CNTNAP4: variants seen among roughly 807,000 people sequenced by gnomAD.
The protein encoded by CNTNAP4 is contactin associated protein family member 4.
In CNTNAP4, 98 loss-of-function variants were observed where a neutral mutation model predicts 148.4. The ratio of observed to expected loss-of-function variants is 0.66; its 90% CI spans 0.56 to 0.78. The LOEUF is 0.78. Ranked by LOEUF, CNTNAP4 falls within the 30% of genes least tolerant of loss-of-function variation. The probability of loss-of-function intolerance (pLI) is 0.00; values close to 1 mark genes in which losing one functional copy is unlikely to be tolerated. For missense variants in CNTNAP4, 1,935 were observed against 1,565.6 expected (o/e 1.24, Z -3.98); for synonymous variants, 730 against 565.1 (o/e 1.29, Z -4.14).
chr16:76,502,363 A>C (rs1020253080), intron 15 of CNTNAP4, among the ~76,000 whole-genome samples: 7 of 149,104 alleles, frequency 4.7e-5, no homozygotes, highest in African/African-American at 1.7e-4. Context: ...TTACAACGCC[A>C]TAGGTACTTT....
At chr16:76,413,513 C>T (rs2078871265) in intron 3 of CNTNAP4, among the ~76,000 whole-genome samples, 1 of 150,696 alleles carries the variant, frequency 6.6e-6, no homozygotes, top group Non-Finnish European at 1.5e-5. Flanking sequence ...AAGAACCTGC[C>T]AATAAGACAT....
chr16:76,534,931 T>C (rs1239804450), intron 17 of CNTNAP4, among the ~76,000 whole-genome samples: 2 of 152,156 alleles, frequency 1.3e-5, no homozygotes, highest in Admixed American at 6.5e-5. Context: ...CGATCCCCTT[T>C]TGCAATTTTG....
At chr16:76,422,804 C>G (rs2079236783) in intron 3 of CNTNAP4, among the ~76,000 whole-genome samples, 1 of 152,172 alleles carries the variant, frequency 6.6e-6, no homozygotes, top group African/African-American at 2.4e-5. Flanking sequence ...TCTGCTATGT[C>G]TGATGCTGAG....
chr16:76,368,130 A>G (rs1418738741), intron 3 of CNTNAP4, among the ~76,000 whole-genome samples: 2 of 152,208 alleles, frequency 1.3e-5, no homozygotes. Context: ...TACAAAACAT[A>G]CCAGCAGGAT....
chr16:76,324,852 C>T lies in CNTNAP4; in HGVS notation c.196+8329C>T, dbSNP rs1008311586. On this transcript the variant is annotated intron_variant, in intron 2 of 23. Transcript: ENST00000611870. ...TTAATCATATCATGAGTGGCCCACC[C>T]TCGTGACAATGTAAACCTAATTACC... 5.3e-5 allele frequency among the ~76,000 whole-genome samples: 8 copies of T among 152,312 alleles called. No homozygotes were observed. The South Asian group carries it at 6.2e-4, about 12-fold the overall frequency.
Position 76,522,154 on chromosome 16 carries a change from C to T in CNTNAP4, c.2652C>T (p.Asn884=). 1.9e-6 allele frequency: 3 copies of T among 1,613,972 alleles called. No homozygotes were observed. The highest frequency in any genetic ancestry group is 1.3e-5 in the African/African-American group (1 of 75,046). Residue 884 remains asparagine, a synonymous_variant, in exon 17 of 24, where the codon AAC becomes AAT. Coordinates refer to ENST00000611870, the MANE Select transcript of CNTNAP4 (RefSeq NM_033401.5). ...NQWHHVRVER[N]MKEASLQVDQ... is the part of the protein sequence containing the mutation. ...GGCACCATGTGAGGGTTGAAAGGAA[C>T]ATGAAGGAGGCCTCCCTTCAAGTGG... is the stretch of plus-strand genomic sequence containing the variant.
chr16:76,408,923 C>G (rs1398399127), intron 3 of CNTNAP4, among the ~76,000 whole-genome samples: 1 of 152,010 alleles, frequency 6.6e-6, no homozygotes, highest in African/African-American at 2.4e-5. Flanking sequence ...GCTGAAGGTA[C>G]ATATATTCAG....
intron 1 of CNTNAP4, among the ~76,000 whole-genome samples, chr16:76,278,819 G>A (rs1034695193): frequency 2.0e-5 from 3 of 152,148 alleles, no homozygotes; most frequent in African/African-American, 2.4e-5. Context: ...TATGTTAAGA[G>A]TTCTGATATG....
chr16:76,527,197 T>A (rs1188549563), intron 17 of CNTNAP4, among the ~76,000 whole-genome samples: 3 of 152,180 alleles, frequency 2.0e-5, no homozygotes, highest in Non-Finnish European at 4.4e-5. Context: ...AATCACCTTC[T>A]CAGCAGTAAA....
At chr16:76,332,776 C>G (rs576274277) in intron 2 of CNTNAP4, among the ~76,000 whole-genome samples, 17 of 152,124 alleles carry the variant, frequency 1.1e-4, no homozygotes, top group Admixed American at 1.3e-4. Context: ...GTGATCCTAG[C>G]CAACCAGCTT....
intron 1 of CNTNAP4, among the ~76,000 whole-genome samples, chr16:76,302,487 A>AT (rs903507649): frequency 3.2e-4 from 48 of 151,814 alleles, no homozygotes; most frequent in African/African-American, 1.2e-3. Context: ...TAACACGGTG[A>AT]TTTTCTCCCT....
chr16:76,415,088 C>A (rs8051880), intron 3 of CNTNAP4, among the ~76,000 whole-genome samples: 3 of 150,570 alleles, frequency 2.0e-5, no homozygotes, highest in Non-Finnish European at 4.5e-5. Flanking sequence ...TTCCAAAATT[C>A]GGGATAAACA....
At chr16:76,394,655 T>A (rs1456371686) in intron 3 of CNTNAP4, among the ~76,000 whole-genome samples, 3 of 152,188 alleles carry the variant, frequency 2.0e-5, no homozygotes, top group Non-Finnish European at 2.9e-5. Context: ...AAATTACAAT[T>A]TGAAAGAAAA....
chr16:76,498,529 A>G, intron 14 of CNTNAP4, 38 bp from the exon 15 acceptor site: 1 of 1,587,352 alleles, frequency 6.3e-7, no homozygotes. Context: ...GGACTATTAA[A>G]AGTTCTTAAG....
intron 2 of CNTNAP4, among the ~76,000 whole-genome samples, chr16:76,344,226 C>T (rs950610018): frequency 1.3e-5 from 2 of 151,922 alleles, no homozygotes; most frequent in African/African-American, 4.8e-5. Flanking sequence ...TTGCTTATGT[C>T]TGTCCAGTTT....
rs770717377 is a variant in CNTNAP4 at position 76,461,972 on chromosome 16, T to C, written c.1350T>C (p.Asp450=). ...TCTCCCTAGGTGTCGAATTAAATGA[T>C]GGGCAGTGGCATTCTGTCTCTTTAT... ...SDITAGVELN[D]GQWHSVSLSA... is the part of the protein sequence containing the mutation. Residue 450 remains aspartate, a synonymous_variant, in exon 9 of 24, where the codon GAT becomes GAC. Coordinates refer to ENST00000611870, the MANE Select transcript of CNTNAP4 (RefSeq NM_033401.5). 6.2e-7 allele frequency: 1 copy of C among 1,613,776 alleles called. No individual in the cohort carries two copies. The highest frequency in any genetic ancestry group is 8.5e-7 in the Non-Finnish European group (1 of 1,179,738).
intron 3 of CNTNAP4, among the ~76,000 whole-genome samples, chr16:76,360,289 C>T (rs184500667): frequency 2.0e-5 from 3 of 152,084 alleles, no homozygotes; most frequent in Non-Finnish European, 4.4e-5. Context: ...TTATTATCAC[C>T]GTGAATGATT....
chr16:76,467,633 C>T lies in CNTNAP4; in HGVS notation c.1655+110C>T, dbSNP rs962762026. ...TTCCTCTTCCCCATTCTTATCTGTT[C>T]CACAGGAAATGAATTATATTTACAT... is the stretch of plus-strand genomic sequence containing the variant. On this transcript the variant is annotated intron_variant, in intron 10 of 23. Transcript: ENST00000611870. 3.4e-6 allele frequency: 3 copies of T among 890,534 alleles called. No individual in the cohort carries two copies. The African/African-American group carries it at 5.2e-5, about 15-fold the overall frequency. The allele number at this position is 890,534 out of a possible 1,614,324, so 55.2% of individuals were successfully genotyped here.
chr16:76,496,107 G>GTGTGTGTGTGTGTA (rs1555576715), intron 14 of CNTNAP4, among the ~76,000 whole-genome samples: 2,291 of 151,172 alleles, frequency 0.015, 143 homozygotes, highest in Admixed American at 0.11. Context: ...GTGTGTGTGT[G>GTGTGTGTGTGTGTA]CGTGTATTTC....
Sources: gnomAD v4.1 joint callset for allele counts (sites outside exome capture counted in the v4.1 genomes callset) on GRCh38, gnomAD v4.1.1 for gene constraint, MANE v1.5 for transcripts, NCBI Gene and HGNC (gene_info 2026-07-23, HGNC 2026-07-21) for gene names.